CD163L1: variants seen among roughly 807,000 people sequenced by gnomAD.
CD163L1 encodes the protein scavenger receptor cysteine-rich type 1 protein M160.
Under a neutral mutation model 165.4 loss-of-function variants are expected in CD163L1, and 124 were observed. The ratio of observed to expected loss-of-function variants is 0.75; its 90% CI spans 0.65 to 0.87. The LOEUF is 0.87. Ranked by LOEUF, CD163L1 falls within the 40% of genes least tolerant of loss-of-function variation. CD163L1 has a pLI of 0.00. For synonymous variants in CD163L1, 585 were observed against 662.2 expected (o/e 0.88, Z 1.79); for missense variants, 1,525 against 1,799.9 (o/e 0.85, Z 2.76).
the CD163L1 span, chr12:7,322,367 G>A: frequency 6.2e-6 from 10 of 1,610,862 alleles, no homozygotes; most frequent in Non-Finnish European, 8.5e-6. Flanking sequence ...GTCTTGCAGT[G>A]AAAGCACTCA....
At chr12:7,345,828 T>G (rs1473800964), downstream of CD163L1, among the ~76,000 whole-genome samples, 1 of 152,196 alleles carries the variant, frequency 6.6e-6, no homozygotes, top group East Asian at 1.9e-4. Flanking sequence ...TCAGGAAGCT[T>G]ACAACCATGG....
In CD163L1 at chr12:7,378,961, C is replaced by T. The variant is rs1051878902; in HGVS notation, c.2371+17G>A. 8.8e-6 allele frequency: 14 copies of T among 1,583,898 alleles called. No homozygotes were observed. The highest frequency in any genetic ancestry group is 3.5e-5 in the Admixed American group (2 of 56,810). ...TAAATAATTAAATAAATGTGTTTAT[C>T]TTTGTCCAGAAATTACCTGAGCAGA... On this transcript the variant is annotated intron_variant, in intron 9 of 19. Coordinates refer to ENST00000313599, the MANE Select transcript of CD163L1 (RefSeq NM_174941.6).
chr12:7,416,333 A>T (rs1948239687), intron 4 of CD163L1, among the ~76,000 whole-genome samples: 1 of 152,056 alleles, frequency 6.6e-6, no homozygotes, highest in African/African-American at 2.4e-5. Context: ...TGTCAGAAGG[A>T]TAGGTTGCAA....
In CD163L1 at chr12:7,396,209, A is replaced by G. The variant is rs771002383; in HGVS notation, c.1936T>C (p.Trp646Arg). The G allele has an allele frequency of 8.7e-6, 14 of 1,614,064 alleles. No homozygotes were observed. The African/African-American group carries it at 1.7e-4, about 20-fold the overall frequency. ...CCATCACAGGAAACATCATCGAGCCAAATTTTTCCATATCCTGTAGAAGCG... is the reference window on the plus strand; with the variant it reads ...CCATCACAGGAAACATCATCGAGCCGAATTTTTCCATATCCTGTAGAAGCG... ...GNASTGYGKI[W>R]LDDVSCDGDE... The change falls in exon 8 of 20, where the codon TGG becomes CGG. Residue 646 changes from tryptophan (W) to arginine (R), a missense_variant. Transcript: ENST00000313599.
intron 5 of CD163L1, among the ~76,000 whole-genome samples, chr12:7,404,463 A>C (rs1215582067): frequency 6.6e-6 from 1 of 152,206 alleles, no homozygotes; most frequent in African/African-American, 2.4e-5. Flanking sequence ...TTTTTGAAGA[A>C]ACTGTGTGTT....
chr12:7,397,347 G>A (rs1053691392), intron 7 of CD163L1, among the ~76,000 whole-genome samples: 5 of 152,208 alleles, frequency 3.3e-5, no homozygotes, highest in East Asian at 1.9e-4. Context: ...ATGTCTTCCC[G>A]GAAAGAAACT....
Position 7,369,839 on chromosome 12 carries a change from A to G in CD163L1, c.3731-174T>C, listed in dbSNP as rs1947109385. ...GAACCTGTGAAGTGAATAAACCCCT[A>G]TACATGACTGTGGTTTGTCCTAGTC... On this transcript the variant is annotated intron_variant, in intron 14 of 19. Coordinates refer to ENST00000313599, the MANE Select transcript of CD163L1 (RefSeq NM_174941.6). This position sits in a 1 kb window ranked among gnomAD's most constrained non-coding sequence, Gnocchi z 4.9. 6.6e-6 allele frequency among the ~76,000 whole-genome samples: 1 copy of G among 152,176 alleles called. No homozygotes were observed. The highest frequency in any genetic ancestry group is 1.5e-5 in the Non-Finnish European group (1 of 68,026).
Position 7,432,165 on chromosome 12 carries a change from T to G in CD163L1, c.766+251A>C, listed in dbSNP as rs1380515630. Among the ~76,000 whole-genome samples the G allele has an allele frequency of 2.0e-5, 3 of 152,174 alleles. No homozygotes were observed. The highest frequency in any genetic ancestry group is 7.2e-5 in the African/African-American group (3 of 41,446). The stretch of plus-strand genomic sequence containing the variant: ...TGAAAAAGGTTTTTAGAAAAAAGAT[T>G]TGATCGGCCTATGGAATACTGCTGA... On this transcript the variant is annotated intron_variant, in intron 4 of 19. Transcript: ENST00000313599. The surrounding 1 kb of genome is among the most constrained non-coding windows in gnomAD (Gnocchi z 4.2).
rs765747821 is a variant in CD163L1 at position 7,432,588 on chromosome 12, A to T, written c.594T>A (p.Cys198Ter). The change falls in exon 4 of 20, where the codon TGT becomes TGA. Residue 198 changes from cysteine to a stop codon, truncating the protein, a stop_gained. Transcript: ENST00000313599. LOFTEE classifies it high-confidence loss of function. This position sits in a 1 kb window ranked among gnomAD's most constrained non-coding sequence, Gnocchi z 4.2. The stretch of plus-strand genomic sequence containing the variant: ...CTCCAGAAGAAATAAAAGAAGATGG[A>T]CATCCTAGTTGCCTGCACACCACGG... ...TAAVVCRQLG[C>*]PSSFISSGVV... 6.2e-7 allele frequency: 1 copy of T among 1,614,204 alleles called. No homozygotes were observed. The highest frequency in any genetic ancestry group is 8.5e-7 in the Non-Finnish European group (1 of 1,180,034).
chr12:7,359,541 A>C (rs903437409), intron 18 of CD163L1, among the ~76,000 whole-genome samples: 1 of 152,136 alleles, frequency 6.6e-6, no homozygotes, highest in African/African-American at 2.4e-5. Flanking sequence ...GAAATAAAAG[A>C]TTTTCTCAGA....
chr12:7,328,702 C>T, the CD163L1 span: 3 of 164,234 alleles, frequency 1.8e-5, no homozygotes, highest in African/African-American at 7.2e-5. Flanking sequence ...CTGATTGATT[C>T]AAAATAAACA....
At chr12:7,389,960 T>TTATATATATA (rs59235889) in intron 8 of CD163L1, among the ~76,000 whole-genome samples, 2,809 of 135,814 alleles carry the variant, frequency 0.021, 43 homozygotes, top group Non-Finnish European at 0.028. Flanking sequence ...ATATATATAT[T>TTATATATATA]TATATATATA....
chr12:7,375,012 T>A (rs1192355273), intron 11 of CD163L1, 89 bp from the exon 12 acceptor site: 6 of 1,234,644 alleles, frequency 4.9e-6, no homozygotes, highest in Non-Finnish European at 7.1e-6. Flanking sequence ...GAATCTGCAA[T>A]TGTGATAAGG....
rs1215452700 is a variant in CD163L1, at chr12:7,372,209, CTG to C, written c.3730+1109_3730+1110del. Among the ~76,000 whole-genome samples, 4 of 152,002 alleles carry C rather than the reference CTG, an allele frequency of 2.6e-5. No homozygotes were observed. The highest frequency in any genetic ancestry group is 9.7e-5 in the African/African-American group (4 of 41,394). Reference sequence around the variant, plus strand: ...TGTATGTCTGTGTATATGTTTCTCTCTGTGTGTAACATTGGTGGGAAGGGTGA... The same window carrying C: ...TGTATGTCTGTGTATATGTTTCTCTCTGTGTAACATTGGTGGGAAGGGTGA... On this transcript the variant is annotated intron_variant, in intron 14 of 19. Coordinates refer to ENST00000313599, the MANE Select transcript of CD163L1 (RefSeq NM_174941.6). The surrounding 1 kb of genome is among the most constrained non-coding windows in gnomAD (Gnocchi z 4.2).
At chr12:7,335,292 A>G in the CD163L1 span, among the ~76,000 whole-genome samples, 7 of 152,210 alleles carry the variant, frequency 4.6e-5, no homozygotes, top group Non-Finnish European at 8.8e-5. Flanking sequence ...ACCAAAACAG[A>G]TATATAGACC....
chr12:7,359,679 T>C (rs1946852206), intron 18 of CD163L1, among the ~76,000 whole-genome samples: 1 of 152,066 alleles, frequency 6.6e-6, no homozygotes, highest in South Asian at 2.1e-4. Context: ...AAGGGAAGCA[T>C]TAGAGAAGAA....
In CD163L1 at chr12:7,373,478, A is replaced by G. The variant is rs745466357; in HGVS notation, c.3572T>C (p.Val1191Ala). 1.2e-6 allele frequency: 2 copies of G among 1,613,936 alleles called. No individual in the cohort carries two copies. The highest frequency in any genetic ancestry group is 2.2e-5 in the East Asian group (1 of 44,868). The change falls in exon 14 of 20, where the codon GTT (valine) becomes GCT (alanine). Residue 1191 changes from valine (V) to alanine (A), a missense_variant. Val to Ala is a moderately conservative substitution (Grantham distance 64). Transcript: ENST00000313599. ...CTTAGATAAAGGGGCGAGGCTGACA[A>G]CTCCATTCTCCCCACAGCCCAGCTG... ...CRQLGCGENG[V>A]VSLAPLSKTG...
chr12:7,376,851 C>T (rs989318208), intron 9 of CD163L1, among the ~76,000 whole-genome samples: 1 of 152,154 alleles, frequency 6.6e-6, no homozygotes, highest in African/African-American at 2.4e-5. Flanking sequence ...TAGATTCCTA[C>T]AGATTCCCTG....
At chr12:7,429,562 G>T (rs1288183625) in intron 4 of CD163L1, among the ~76,000 whole-genome samples, 1 of 152,048 alleles carries the variant, frequency 6.6e-6, no homozygotes, top group Non-Finnish European at 1.5e-5. Flanking sequence ...CTAGCTACAA[G>T]GCTGTACCCA....
Sources: gnomAD v4.1 joint callset for allele counts (sites outside exome capture counted in the v4.1 genomes callset) on GRCh38, gnomAD v4.1.1 for gene constraint, Gnocchi (gnomAD v3.1) non-coding constraint, MANE v1.5 for transcripts, NCBI Gene and HGNC (gene_info 2026-07-23, HGNC 2026-07-21) for gene names.